Variants in BTD observed in about 807,000 individuals in gnomAD.
BTD encodes biotinidase.
A neutral mutation model predicts 17.7 loss-of-function variants in BTD; 13 were observed. The observed-to-expected ratio is 0.74, with a 90% CI of 0.48 to 1.17. The LOEUF (loss-of-function observed/expected upper bound fraction) is 1.17. Among genes scored for constraint, BTD ranks in the 50% most tolerant of loss-of-function variants. The pLI is 0.00. For synonymous variants in BTD, 240 were observed against 245.2 expected (o/e 0.98, Z 0.20); for missense variants, 674 against 650.4 (o/e 1.04, Z -0.39).
downstream of BTD, among the ~76,000 whole-genome samples, chr3:15,654,894 C>T (rs1452188749): frequency 6.6e-6 from 1 of 152,158 alleles, no homozygotes; most frequent in East Asian, 1.9e-4. Flanking sequence ...GCCACCATAC[C>T]CGGCTAATTT....
intron 1 of BTD, among the ~76,000 whole-genome samples, chr3:15,630,601 A>G (rs906641353): frequency 2.0e-5 from 3 of 152,242 alleles, no homozygotes; most frequent in African/African-American, 7.2e-5. Flanking sequence ...ATTCTAGCCA[A>G]TGGAGCAGAA....
chr3:15,712,039 T>C (rs1006024288), exon 4 of BTD: 15 of 888,662 alleles, frequency 1.7e-5, no homozygotes, highest in East Asian at 2.6e-5. Flanking sequence ...TTATCCATAC[T>C]GGACCCATCT....
intron 1 of BTD, among the ~76,000 whole-genome samples, chr3:15,619,881 C>G (rs2064899521): frequency 6.6e-6 from 1 of 152,214 alleles, no homozygotes; most frequent in African/African-American, 2.4e-5. Flanking sequence ...GCCTGAGTCT[C>G]AGACCAGCAA....
intron 4 of BTD, chr3:15,721,149 C>G: frequency 6.3e-7 from 1 of 1,586,640 alleles, no homozygotes; most frequent in Non-Finnish European, 8.6e-7. Flanking sequence ...GAAAAAAATG[C>G]GAATGTTAAA....
chr3:15,703,345 T>C (rs139171137), intron 3 of BTD, among the ~76,000 whole-genome samples: 21 of 152,312 alleles, frequency 1.4e-4, no homozygotes, highest in African/African-American at 3.9e-4. Context: ...GGTCTAAATG[T>C]TTATGTCCCC....
intron 3 of BTD, among the ~76,000 whole-genome samples, chr3:15,672,445 A>G (rs183887322): frequency 2.6e-5 from 4 of 152,224 alleles, no homozygotes; most frequent in Admixed American, 2.6e-4. Context: ...CCCAGCCACA[A>G]AAAGTAATTT....
chr3:15,642,340 C>A, intron 3 of BTD: 1 of 1,185,610 alleles, frequency 8.4e-7, no homozygotes, highest in South Asian at 1.8e-5. Flanking sequence ...AAAAGTTCAT[C>A]TTCACCACAG....
rs2065317237 is a variant in BTD at position 15,635,378 on chromosome 3, A to G, written c.-16-46A>G. ...CAGCTGCAAACGTTAAATTCTTGGC[A>G]GGATTCTTTATTCAGCTGTTTTCCC... On this transcript the variant is annotated intron_variant, in intron 1 of 3. Transcript: ENST00000643237. The surrounding 1 kb of genome is among the most constrained non-coding windows in gnomAD (Gnocchi z 4.1). 1.2e-5 allele frequency: 19 copies of G among 1,613,700 alleles called. No homozygotes were observed. The highest frequency in any genetic ancestry group is 1.6e-5 in the Non-Finnish European group (19 of 1,179,856).
intron 3 of BTD, chr3:15,696,101 A>G: frequency 7.3e-7 from 1 of 1,378,610 alleles, no homozygotes; most frequent in Non-Finnish European, 1.0e-6. Context: ...ATAAACTCCC[A>G]TTAGGTCTTT....
At chr3:15,617,389 G>A (rs892262732) in intron 1 of BTD, among the ~76,000 whole-genome samples, 1 of 152,170 alleles carries the variant, frequency 6.6e-6, no homozygotes, top group African/African-American at 2.4e-5. Context: ...TATCTTTTAA[G>A]AGTTTTATAG....
intron 3 of BTD, chr3:15,709,553 C>G: frequency 1.6e-6 from 1 of 629,844 alleles, no homozygotes; most frequent in Non-Finnish European, 2.7e-6. Context: ...CTCAATGAAT[C>G]ATGATCAGTG....
At chr3:15,627,817 G>T (rs1376028638) in intron 1 of BTD, among the ~76,000 whole-genome samples, 2 of 152,190 alleles carry the variant, frequency 1.3e-5, no homozygotes, top group Non-Finnish European at 1.5e-5. Flanking sequence ...TGCCTCCGAG[G>T]TTCAAGCTAT....
rs529814165 is a variant in BTD at position 15,665,490 on chromosome 3, T to G, written c.399+23433T>G. Among the ~76,000 whole-genome samples, 5 of 152,310 alleles carry G rather than the reference T, an allele frequency of 3.3e-5. No homozygotes were observed. In the East Asian group the frequency reaches 7.7e-4, roughly 24 times the overall value. ...AACTTTCCAACTCAAAATACATGTT[T>G]GTTGCCCAGTTTTATATCTGGACTA... is the stretch of plus-strand genomic sequence containing the variant. On this transcript the variant is annotated intron_variant, in intron 3 of 3. Transcript: ENST00000672141.
At position 15,652,817 on chromosome 3, in the gene BTD, A is replaced by G. The variant is rs1479458526; in HGVS notation, c.*7329A>G. Among the ~76,000 whole-genome samples the G allele has an allele frequency of 2.0e-5, 3 of 152,216 alleles. No individual in the cohort carries two copies. The highest frequency in any genetic ancestry group is 7.2e-5 in the African/African-American group (3 of 41,466). ...TCCCACTATATATATATCAAGTGCTATTAGTGGCTATTATTTGTTGGGTTA... is the reference window on the plus strand; with the variant it reads ...TCCCACTATATATATATCAAGTGCTGTTAGTGGCTATTATTTGTTGGGTTA... On this transcript the variant is annotated 3_prime_UTR_variant, in exon 4 of 4. Coordinates refer to ENST00000643237, the MANE Select transcript of BTD (RefSeq NM_001370658.1).
At chr3:15,623,512 G>A (rs1335557418) in intron 1 of BTD, among the ~76,000 whole-genome samples, 1 of 152,120 alleles carries the variant, frequency 6.6e-6, no homozygotes, top group Non-Finnish European at 1.5e-5. Flanking sequence ...GAGTTTTGGT[G>A]TTTTAATTGA....
chr3:15,650,191 AGAAT>A lies in BTD; in HGVS notation c.*4705_*4708del, dbSNP rs1294592064. ...TGAATGAATGAATAGGTAGTCACAA[AGAAT>A]GTTTAGAATGTTTCTCAGACAGGCT... is the stretch of plus-strand genomic sequence containing the variant. On this transcript the variant is annotated 3_prime_UTR_variant, in exon 4 of 4. Transcript: ENST00000643237. Among the ~76,000 whole-genome samples, 10 of 152,364 alleles carry A rather than the reference AGAAT, an allele frequency of 6.6e-5. No individual in the cohort carries two copies. The highest frequency in any genetic ancestry group is 1.9e-4 in the African/African-American group (8 of 41,588).
chr3:15,672,119 T>A (rs987367280), intron 3 of BTD, among the ~76,000 whole-genome samples: 3 of 151,906 alleles, frequency 2.0e-5, no homozygotes, highest in African/African-American at 7.3e-5. Flanking sequence ...TTTTCATCTA[T>A]GCTATATTGG....
rs774137163 is a variant in BTD at position 15,648,567 on chromosome 3, G to A, written c.*3079G>A. ...AAAGCGGGTCTCTCATGAGGCTACA[G>A]TCAAGATGTCAGCCGAGGTGACAGT... On this transcript the variant is annotated 3_prime_UTR_variant, in exon 4 of 4. Transcript: ENST00000643237. Among the ~76,000 whole-genome samples, 2 of 152,228 alleles carry A rather than the reference G, an allele frequency of 1.3e-5. No individual in the cohort carries two copies. Among genetic ancestry groups the A allele is most frequent in the African/African-American group, 2.4e-5 (1 of 41,466 alleles).
intron 3 of BTD, among the ~76,000 whole-genome samples, chr3:15,692,100 A>G (rs1048365572): frequency 2.7e-5 from 4 of 150,048 alleles, no homozygotes; most frequent in Non-Finnish European, 5.9e-5. Context: ...GGAATGCACC[A>G]CTGCAACCCA....
Sources: gnomAD v4.1 joint callset for allele counts (sites outside exome capture counted in the v4.1 genomes callset) on GRCh38, gnomAD v4.1.1 for gene constraint, Gnocchi (gnomAD v3.1) non-coding constraint, MANE v1.5 for transcripts, NCBI Gene and HGNC (gene_info 2026-07-23, HGNC 2026-07-21) for gene names.